The following DHX57 variants were observed in gnomAD, a reference collection of about 807,000 sequenced individuals.
DHX57 encodes DExH-box helicase 57.
A neutral mutation model predicts 156.2 loss-of-function variants in DHX57; 105 were observed. The observed-to-expected ratio is 0.67, with a 90% confidence interval of 0.57 to 0.79. The LOEUF is 0.79. Among genes scored for constraint, DHX57 ranks in the 30% least tolerant of loss-of-function variants. The probability of loss-of-function intolerance (pLI) is 0.00; values close to 1 mark genes in which losing one functional copy is unlikely to be tolerated. For missense variants in DHX57, 1,847 were observed against 1,661.9 expected (o/e 1.11, Z -1.94); for synonymous variants, 704 against 595.6 (o/e 1.18, Z -2.65).
chr2:38,846,676 T>G (rs1284810120), intron 11 of DHX57, among the ~76,000 whole-genome samples: 1 of 150,988 alleles, frequency 6.6e-6, no homozygotes, highest in African/African-American at 2.4e-5. Context: ...ATTGGCAGTC[T>G]GTTTGCTGAA....
At chr2:38,857,957 G>T (rs760183700) in intron 6 of DHX57, among the ~76,000 whole-genome samples, 12 of 152,086 alleles carry the variant, frequency 7.9e-5, no homozygotes, top group Non-Finnish European at 1.5e-4. Flanking sequence ...TTCCAGGCTG[G>T]CATTGTCTCA....
chr2:38,855,177 G>C lies in DHX57; in HGVS notation c.1785C>G (p.Asn595Lys). The change falls in exon 8 of 24, where the codon AAC (asparagine) becomes AAG (lysine). Residue 595 changes from asparagine to lysine, a missense_variant. Transcript: ENST00000457308. The stretch of plus-strand genomic sequence containing the variant: ...TTCGTCGGGGTTGGGTACAGATGAT[G>C]TTGGCTACCTTCTCAGGTGGTCCAT... ...SLNGPPEKVA[N>K]IICTQPRRIS... 6.2e-7 allele frequency: 1 copy of C among 1,614,146 alleles called. No homozygotes were observed. Among genetic ancestry groups the C allele is most frequent in the Non-Finnish European group, 8.5e-7 (1 of 1,180,030 alleles).
At chr2:38,811,185 C>T in intron 21 of DHX57, 1 of 495,746 alleles carries the variant, frequency 2.0e-6, no homozygotes, top group Non-Finnish European at 3.8e-6. Flanking sequence ...TGTTTCTCTG[C>T]ATATTCCATC....
chr2:38,855,101 C>T lies in DHX57; in HGVS notation c.1861G>A (p.Val621Met), dbSNP rs759360545. Residue 621 changes from valine (V) to methionine (M), a missense_variant, in exon 8 of 24, where the codon GTG (valine) becomes ATG (methionine). Val to Met is a conservative substitution (Grantham distance 21). Transcript: ENST00000457308. Reference protein sequence around the residue: ...ERVAKERAERVGLTVGYQIRL... With the variant: ...ERVAKERAERMGLTVGYQIRL... Reference sequence around the variant, plus strand: ...ATCTGGTATCCCACGGTCAGACCCACCCTCTCTGCTCTTTCTTTAGCAACG... The same window carrying T: ...ATCTGGTATCCCACGGTCAGACCCATCCTCTCTGCTCTTTCTTTAGCAACG... 1.2e-6 allele frequency: 2 copies of T among 1,614,086 alleles called. No individual in the cohort carries two copies. Among genetic ancestry groups the T allele is most frequent in the Admixed American group, 1.7e-5 (1 of 60,000 alleles).
intron 21 of DHX57, among the ~76,000 whole-genome samples, chr2:38,812,855 T>TGTTTGTTTGTTG (rs1670331312): frequency 6.7e-6 from 1 of 148,750 alleles, no homozygotes; most frequent in Non-Finnish European, 1.5e-5. Context: ...TTTGTTTGTT[T>TGTTTGTTTGTTG]GTTTGTTTTT....
chr2:38,798,166 C>T lies in DHX57; in HGVS notation c.*133G>A. On this transcript the variant is annotated 3_prime_UTR_variant, in exon 24 of 24. Transcript: ENST00000457308. ...AGGGTATATACACTGCCTCAGCTGC[C>T]TTGGGCTTCATGCCCTGGGCTCCTC... The T allele has an allele frequency of 2.4e-6, 3 of 1,261,400 alleles. No homozygotes were observed. The highest frequency in any genetic ancestry group is 3.3e-6 in the Non-Finnish European group (3 of 912,890). The allele number at this position is 1,261,400 out of a possible 1,614,324, so 78.1% of individuals were successfully genotyped here. A position where few individuals can be genotyped will look rare whatever the true frequency, so the allele number is the denominator to read the frequency against.
intron 13 of DHX57, among the ~76,000 whole-genome samples, chr2:38,830,206 G>A (rs1247558390): frequency 6.6e-6 from 1 of 152,184 alleles, no homozygotes; most frequent in Non-Finnish European, 1.5e-5. Context: ...TGAGGAATCT[G>A]AATTACCACA....
At chr2:38,866,556 AT>A (rs1458247263) in intron 2 of DHX57, among the ~76,000 whole-genome samples, 2 of 152,164 alleles carry the variant, frequency 1.3e-5, no homozygotes, top group Non-Finnish European at 2.9e-5. Flanking sequence ...TGGTAATGTT[AT>A]ACATTTGTTT....
In DHX57 at chr2:38,798,413, G is replaced by A. The variant is rs1530853; in HGVS notation, c.4047C>T (p.Cys1349=). The part of the protein sequence containing the change: ...QVAELVKELR[C]ELDQLLQDKI... ...TATCCTGGAGAAGCTGATCAAGTTC[G>A]CAACGAAGCTCCTTTACCAGTTCAG... Residue 1349 remains cysteine (C), a synonymous_variant, in exon 24 of 24, where the codon TGC becomes TGT. Coordinates refer to ENST00000457308, the MANE Select transcript of DHX57 (RefSeq NM_198963.3). The A allele has an allele frequency of 0.62, 996,677 of 1,613,240 alleles. 312,469 individuals are homozygous for A. Among genetic ancestry groups the A allele is most frequent in the East Asian group, 0.82 (36,588 of 44,870 alleles).
Position 38,842,998 on chromosome 2 carries a change from A to G in DHX57, c.2425+7T>C, listed in dbSNP as rs1672089502. 4 of 1,613,460 alleles carry G rather than the reference A, an allele frequency of 2.5e-6. No individual in the cohort carries two copies. Among genetic ancestry groups the G allele is most frequent in the Non-Finnish European group, 3.4e-6 (4 of 1,179,360 alleles). ...TAATTATAATATTCCCCCAAGAGGC[A>G]TGTTACCTTTATAGCGGGCCAGGAG... On this transcript the variant is annotated splice_region_variant and intron_variant, in intron 12 of 23. Transcript: ENST00000457308.
intron 6 of DHX57, 58 bp from the exon 7 acceptor site, chr2:38,856,519 T>G: frequency 6.5e-7 from 1 of 1,531,604 alleles, no homozygotes; most frequent in Non-Finnish European, 8.7e-7. Flanking sequence ...TTTTTTTTTT[T>G]TTTGAGACAG....
At chr2:38,809,914 G>C (rs1488419378) in intron 21 of DHX57, among the ~76,000 whole-genome samples, 4 of 151,450 alleles carry the variant, frequency 2.6e-5, no homozygotes, top group Non-Finnish European at 4.4e-5. Flanking sequence ...ATTTTTTTGA[G>C]ACGGAGTCAT....
chr2:38,814,729 T>TG (rs1264385203), intron 20 of DHX57, among the ~76,000 whole-genome samples: 2 of 29,298 alleles, frequency 6.8e-5, no homozygotes, highest in Admixed American at 4.0e-4. Flanking sequence ...GAAAACCCTG[T>TG]TTTTTTTTTT....
At chr2:38,802,149 G>C (rs1669712055) in intron 23 of DHX57, among the ~76,000 whole-genome samples, 1 of 152,066 alleles carries the variant, frequency 6.6e-6, no homozygotes, top group Admixed American at 6.6e-5. Context: ...TACAGCTTCT[G>C]TCCTAGCCTT....
chr2:38,857,735 T>C (rs966187910), intron 6 of DHX57, among the ~76,000 whole-genome samples: 3 of 152,200 alleles, frequency 2.0e-5, no homozygotes, highest in Non-Finnish European at 4.4e-5. Context: ...ATAATCTTCA[T>C]GTGAATGGGG....
rs1238203922 is a variant in DHX57 at position 38,818,918 on chromosome 2, T to G, written c.3430A>C (p.Asn1144His). 6.2e-7 allele frequency: 1 copy of G among 1,614,036 alleles called. No individual in the cohort carries two copies. The highest frequency in any genetic ancestry group is 1.3e-5 in the African/African-American group (1 of 74,920). ...GACAAGAAGTTTTGTCTGCAGTAAT[T>G]ATAACTTGCACGCACGCCTTCTTTT... ...STKEGVRASY[N>H]YCRQNFLSGR... is the part of the protein sequence containing the mutation. The change falls in exon 19 of 24, where the codon AAT becomes CAT. Residue 1144 changes from asparagine to histidine, a missense_variant. Coordinates refer to ENST00000457308, the MANE Select transcript of DHX57 (RefSeq NM_198963.3).
intron 11 of DHX57, 25 bp from the exon 12 acceptor site, chr2:38,843,235 T>C (rs755500522): frequency 6.2e-7 from 1 of 1,610,766 alleles, no homozygotes; most frequent in South Asian, 1.1e-5. Context: ...GGAATGTGGT[T>C]GTGTGTATGT....
chr2:38,802,328 C>T (rs985112394), intron 23 of DHX57, among the ~76,000 whole-genome samples: 7 of 150,946 alleles, frequency 4.6e-5, no homozygotes, highest in African/African-American at 1.7e-4. Context: ...CGCTCTGTTG[C>T]CGAGGCTGGA....
intron 17 of DHX57, among the ~76,000 whole-genome samples, chr2:38,819,868 A>T (rs1670724383): frequency 6.6e-6 from 1 of 152,210 alleles, no homozygotes; most frequent in Non-Finnish European, 1.5e-5. Flanking sequence ...CTACACTGGG[A>T]AGAATCCTCT....
Sources: gnomAD v4.1 joint callset for allele counts (sites outside exome capture counted in the v4.1 genomes callset) on GRCh38, gnomAD v4.1.1 for gene constraint, MANE v1.5 for transcripts, NCBI Gene and HGNC (gene_info 2026-07-23, HGNC 2026-07-21) for gene names.